Variants in GPKOW observed in about 807,000 individuals in gnomAD.
The protein encoded by GPKOW is G-patch domain and KOW motifs, also known as G-patch domain and KOW motifs-containing protein.
For synonymous variants in GPKOW, 167 were observed against 159.1 expected (o/e 1.05, Z -0.37); for missense variants, 359 against 404.7 (o/e 0.89, Z 0.97).
At position 49,122,444 on chromosome X, in the gene GPKOW, C is replaced by T; in HGVS notation, c.410G>A (p.Cys137Tyr). The part of the protein sequence containing the change: ...TLAIPMIQKG[C>Y]TPSGEGADSE... ...GTCTGCCCCTTCCCCGCTGGGGGTG[C>T]ATCCTTTCTGGATCATGGGGATAGC... is the stretch of plus-strand genomic sequence containing the variant. Residue 137 changes from cysteine (C) to tyrosine (Y), a missense_variant, in exon 3 of 11, where the codon TGC becomes TAC. By Grantham distance (194) the Cys-to-Tyr change is radical. Transcript: ENST00000156109. The T allele has an allele frequency of 2.5e-6, 3 of 1,190,049 alleles. No homozygotes were observed. In the South Asian group the frequency reaches 5.5e-5, roughly 22 times the overall value.
rs1557090126 is a variant in GPKOW, at chrX:49,115,738, G to T, written c.1198C>A (p.Arg400=). The change falls in exon 9 of 11, where the codon CGA becomes AGA. Residue 400 remains arginine, a synonymous_variant. Transcript: ENST00000156109. ...DTCVCRTDEG[R]VLEGLREDML... ...CGCTCAAACTCACCTTCCAGGACTC[G>T]GCCTTCATCTGTCCGACATACACAG... 1 of 1,206,077 alleles carries T rather than the reference G, an allele frequency of 8.3e-7. No homozygotes were observed. Among genetic ancestry groups the T allele is most frequent in the Admixed American group, 2.2e-5 (1 of 45,890 alleles).
chrX:49,122,603 G>A lies in GPKOW; in HGVS notation c.331+19C>T, dbSNP rs2065217500. ...CCTCTTCTTCCTTCAATGGGGAAGG[G>A]TAAAGGGGTATCACTCACCCGCAAT... On this transcript the variant is annotated intron_variant, in intron 2 of 10. Transcript: ENST00000156109. 8.3e-7 allele frequency: 1 copy of A among 1,206,546 alleles called. No individual in the cohort carries two copies. Among genetic ancestry groups the A allele is most frequent in the African/African-American group, 1.7e-5 (1 of 57,419 alleles).
At chrX:49,122,947 T>C (rs1368842587) in intron 1 of GPKOW, among the ~76,000 whole-genome samples, 171 bp from the exon 2 acceptor site, 4 of 111,887 alleles carry the variant, frequency 3.6e-5, no homozygotes, top group Admixed American at 9.5e-5. Context: ...CTCTGGATTA[T>C]CTCCCCAGTG....
At position 49,123,610 on chromosome X, in the gene GPKOW, C is replaced by A. The variant is rs782645728; in HGVS notation, c.113G>T (p.Gly38Val). 1.7e-6 allele frequency: 2 copies of A among 1,209,440 alleles called. No homozygotes were observed. The highest frequency in any genetic ancestry group is 1.8e-5 in the South Asian group (1 of 56,403). Residue 38 changes from glycine to valine, a missense_variant, in exon 1 of 11, where the codon GGC becomes GTC. By Grantham distance (109) the Gly-to-Val change is moderately radical. Coordinates refer to ENST00000156109, the MANE Select transcript of GPKOW (RefSeq NM_015698.6). ...ARRRLADSGDGAGPSPEEKDF... is the reference protein window; with the variant it reads ...ARRRLADSGDVAGPSPEEKDF... The stretch of plus-strand genomic sequence containing the variant: ...CTTCTCCTCCGGAGATGGCCCCGCG[C>A]CGTCTCCCGAGTCGGCCAGCCGCCT...
At chrX:49,120,860 CG>C (rs2065210851) in intron 3 of GPKOW, among the ~76,000 whole-genome samples, 1 of 109,667 alleles carries the variant, frequency 9.1e-6, no homozygotes, top group Non-Finnish European at 1.9e-5. Flanking sequence ...GATGGGGTTT[CG>C]CCATGTTGGC....
Position 49,113,619 on chromosome X carries a change from G to T in GPKOW, c.*2C>A. On this transcript the variant is annotated 3_prime_UTR_variant, in exon 11 of 11. Coordinates refer to ENST00000156109, the MANE Select transcript of GPKOW (RefSeq NM_015698.6). Reference sequence around the variant, plus strand: ...CCTGGGGGATGGGAGGAGTCCCATGGGTCAGTCATCATCTGTGTCACTAGG... The same window carrying T: ...CCTGGGGGATGGGAGGAGTCCCATGTGTCAGTCATCATCTGTGTCACTAGG... 1 of 1,209,147 alleles carries T rather than the reference G, an allele frequency of 8.3e-7. No individual in the cohort carries two copies. The highest frequency in any genetic ancestry group is 3.0e-5 in the East Asian group (1 of 33,800).
At chrX:49,120,910 G>A (rs2065210995) in intron 3 of GPKOW, among the ~76,000 whole-genome samples, 1 of 110,099 alleles carries the variant, frequency 9.1e-6, no homozygotes, top group African/African-American at 3.3e-5. Context: ...GTGATCCGCT[G>A]GCCTCAGCCT....
At chrX:49,114,266 A>G (rs1267286475) in intron 9 of GPKOW, among the ~76,000 whole-genome samples, 5 of 110,341 alleles carry the variant, frequency 4.5e-5, no homozygotes, top group African/African-American at 1.3e-4. Context: ...CAGCCTCCTG[A>G]GTAGCTGGGA....
In GPKOW at chrX:49,113,885, C is replaced by T. The variant is rs781816151; in HGVS notation, c.1264G>A (p.Val422Met). The T allele has an allele frequency of 1.2e-5, 14 of 1,209,464 alleles. No individual in the cohort carries two copies. Among genetic ancestry groups the T allele is most frequent in the Non-Finnish European group, 1.6e-5 (14 of 893,469 alleles). ...GTCTGTGGGCCCAGCACCACCATCA[C>T]ACGGTCACCCTCTGCCTTGGGAACC... The part of the protein sequence containing the change: ...TLVPKAEGDR[V>M]MVVLGPQTGR... Residue 422 changes from valine to methionine, a missense_variant, in exon 10 of 11, where the codon GTG (valine) becomes ATG (methionine). By Grantham distance (21) the Val-to-Met change is conservative. Transcript: ENST00000156109.
chrX:49,113,824 A>G (rs1309101188), intron 10 of GPKOW, 29 bp downstream of exon 10: 2 of 1,198,855 alleles, frequency 1.7e-6, no homozygotes, highest in East Asian at 5.9e-5. Flanking sequence ...AACGACCCAC[A>G]AACCTCTACT....
chrX:49,116,113 T>C (rs984001849), intron 7 of GPKOW, 99 bp from the exon 8 acceptor site: 4 of 1,125,167 alleles, frequency 3.6e-6, no homozygotes, highest in Non-Finnish European at 4.9e-6. Context: ...CACAATGCAG[T>C]TCCCCGTTCC....
Position 49,122,874 on chromosome X carries a change from C to A in GPKOW, c.177-98G>T. 5 of 655,085 alleles carry A rather than the reference C, an allele frequency of 7.6e-6. No individual in the cohort carries two copies. The South Asian group carries it at 1.3e-4, about 17-fold the overall frequency. The allele number at this position is 655,085 out of a possible 1,213,427, so 54.0% of individuals were successfully genotyped here. ...AACACAAGAGCCAAACTCACCCCAG[C>A]CCCACAGACCATGTCTTCCCTACTC... is the stretch of plus-strand genomic sequence containing the variant. On this transcript the variant is annotated intron_variant, in intron 1 of 10. Transcript: ENST00000156109.
At position 49,113,874 on chromosome X, in the gene GPKOW, C is replaced by T. The variant is rs1557089724; in HGVS notation, c.1275G>A (p.Val425=). 5 of 1,208,150 alleles carry T rather than the reference C, an allele frequency of 4.1e-6. No homozygotes were observed. In the South Asian group the frequency reaches 8.8e-5, roughly 21 times the overall value. Residue 425 remains valine (V), a synonymous_variant, in exon 10 of 11, where the codon GTG becomes GTA. Coordinates refer to ENST00000156109, the MANE Select transcript of GPKOW (RefSeq NM_015698.6). Reference sequence around the variant, plus strand: ...TCACCCTTCCAGTCTGTGGGCCCAGCACCACCATCACACGGTCACCCTCTG... The same window carrying T: ...TCACCCTTCCAGTCTGTGGGCCCAGTACCACCATCACACGGTCACCCTCTG... The part of the protein sequence containing the change: ...PKAEGDRVMV[V]LGPQTGRVGH...
intron 3 of GPKOW, among the ~76,000 whole-genome samples, 168 bp downstream of exon 3, chrX:49,122,230 C>T (rs1330568998): frequency 1.9e-5 from 2 of 105,402 alleles, no homozygotes; most frequent in African/African-American, 3.3e-5. Flanking sequence ...TTTTTAGCAT[C>T]CAGATACCCA....
At chrX:49,116,551 C>T (rs1378002857) in intron 6 of GPKOW, among the ~76,000 whole-genome samples, 1 of 111,166 alleles carries the variant, frequency 9.0e-6, no homozygotes, top group Non-Finnish European at 1.9e-5. Context: ...CGCAGCCAAC[C>T]TAGCCCACAA....
chrX:49,117,040 G>T lies in GPKOW; in HGVS notation c.903C>A (p.Thr301=). The change falls in exon 6 of 11, where the codon ACC becomes ACA. Residue 301 remains threonine, a synonymous_variant. Coordinates refer to ENST00000156109, the MANE Select transcript of GPKOW (RefSeq NM_015698.6). ...AAGAGGCTCACTCACTGAGATCCAA[G>T]GTGTTCTTGTCAAACTCCTGCTGGG... ...PVSQQEFDKN[T]LDLRQQNGTA... 2 of 1,208,810 alleles carry T rather than the reference G, an allele frequency of 1.7e-6. No homozygotes were observed. Among genetic ancestry groups the T allele is most frequent in the Non-Finnish European group, 2.2e-6 (2 of 893,197 alleles).
Position 49,122,426 on chromosome X carries a change from C to G in GPKOW, c.428G>C (p.Gly143Ala). 8.5e-7 allele frequency: 1 copy of G among 1,179,808 alleles called. No homozygotes were observed. The highest frequency in any genetic ancestry group is 1.1e-6 in the Non-Finnish European group (1 of 881,063). The change falls in exon 3 of 11, where the codon GGG (glycine) becomes GCG (alanine). Residue 143 changes from glycine (G) to alanine (A), a missense_variant. Transcript: ENST00000156109. ...CTCTGCCCGGGGTTCGCTGTCTGCC[C>G]CTTCCCCGCTGGGGGTGCATCCTTT... ...IQKGCTPSGE[G>A]ADSEPRAETV... is the part of the protein sequence containing the mutation.
chrX:49,116,371 GA>G, intron 6 of GPKOW, 48 bp from the exon 7 acceptor site: 1 of 820,795 alleles, frequency 1.2e-6, no homozygotes, highest in Non-Finnish European at 1.8e-6. Flanking sequence ...AGGTTATGAG[GA>G]GAACCAGGAC....
rs1205736192 is a variant in GPKOW, at chrX:49,122,300, A to G, written c.456+98T>C. ...GAGAAGGGGCAGGTGGCGGGCCTCT[A>G]GCACACACACAGACTTTCCCTGCTA... On this transcript the variant is annotated intron_variant, in intron 3 of 10. Coordinates refer to ENST00000156109, the MANE Select transcript of GPKOW (RefSeq NM_015698.6). 3 of 752,486 alleles carry G rather than the reference A, an allele frequency of 4.0e-6. 1 individual carries two copies. The highest frequency in any genetic ancestry group is 2.1e-5 in the African/African-American group (1 of 47,030). 62.0% of individuals were successfully genotyped at this position (752,486 alleles called of 1,213,427 possible).
Sources: gnomAD v4.1 joint callset for allele counts (sites outside exome capture counted in the v4.1 genomes callset) on GRCh38, gnomAD v4.1.1 for gene constraint, MANE v1.5 for transcripts, NCBI Gene and HGNC (gene_info 2026-07-23, HGNC 2026-07-21) for gene names.